ANTXR2: variants seen among roughly 807,000 people sequenced by gnomAD.
The protein encoded by ANTXR2 is anthrax toxin receptor 2.
A neutral mutation model predicts 73.7 loss-of-function variants in ANTXR2; 44 were observed. The ratio of observed to expected loss-of-function variants is 0.60; its 90% CI spans 0.47 to 0.77. ANTXR2 has a LOEUF of 0.77. Ranked by LOEUF, ANTXR2 falls within the 30% of genes least tolerant of loss-of-function variation. The pLI is 0.00. For missense variants in ANTXR2, 604 were observed against 592.5 expected (o/e 1.02, Z -0.20); for synonymous variants, 217 against 205.9 (o/e 1.05, Z -0.46).
At chr4:80,005,471 T>A (rs1012851255) in intron 12 of ANTXR2, among the ~76,000 whole-genome samples, 20 of 152,098 alleles carry the variant, frequency 1.3e-4, no homozygotes, top group Admixed American at 6.6e-5. Context: ...ATTTAAATGG[T>A]CACATCCTAA....
At chr4:79,928,385 G>C (rs1727910250) in intron 16 of ANTXR2, among the ~76,000 whole-genome samples, 2 of 152,146 alleles carry the variant, frequency 1.3e-5, no homozygotes, top group Admixed American at 6.5e-5. Flanking sequence ...TGTTTAATGG[G>C]TAGGGAGTTT....
intron 16 of ANTXR2, among the ~76,000 whole-genome samples, chr4:79,946,554 TC>T (rs1728521926): frequency 6.6e-6 from 1 of 151,998 alleles, no homozygotes; most frequent in Non-Finnish European, 1.5e-5. Flanking sequence ...GGGGCTGTAA[TC>T]TTGGGTGGAG....
chr4:80,047,897 C>T (rs1733595191), intron 7 of ANTXR2, among the ~76,000 whole-genome samples: 1 of 151,622 alleles, frequency 6.6e-6, no homozygotes, highest in South Asian at 2.1e-4. Context: ...TTTTTCTTTT[C>T]CTTAAACTAT....
At chr4:80,038,542 C>A (rs1412889760) in intron 7 of ANTXR2, among the ~76,000 whole-genome samples, 1 of 151,904 alleles carries the variant, frequency 6.6e-6, no homozygotes. Context: ...CTATTAAAGT[C>A]TGAGTTTAAA....
At chr4:79,951,425 C>T (rs1393145677) in intron 16 of ANTXR2, among the ~76,000 whole-genome samples, 4 of 151,808 alleles carry the variant, frequency 2.6e-5, no homozygotes, top group South Asian at 4.2e-4. Context: ...ACTAAAAATA[C>T]AAAAATTAGC....
rs71662888 is a variant in ANTXR2, at chr4:79,993,760, G to GCGCACACACACACA, written c.1042-8898_1042-8897insTGTGTGTGTGTGCG. 9.3e-3 allele frequency among the ~76,000 whole-genome samples: 1,305 copies of GCGCACACACACACA among 140,718 alleles called. 9 individuals carry two copies. Among genetic ancestry groups the GCGCACACACACACA allele is most frequent in the East Asian group, 0.018 (88 of 4,812 alleles). The allele number at this position is 140,718 out of a possible 152,430, so 92.3% of individuals were successfully genotyped here. A position where few individuals can be genotyped will look rare whatever the true frequency, so the allele number is the denominator to read the frequency against. On this transcript the variant is annotated intron_variant, in intron 12 of 16. Transcript: ENST00000403729. ...GGCAATACACCACACACACACACAC[G>GCGCACACACACACA]CACACACACACACACACACACACAT...
At chr4:80,057,606 G>A (rs1472891499) in intron 3 of ANTXR2, among the ~76,000 whole-genome samples, 74 of 151,884 alleles carry the variant, frequency 4.9e-4, no homozygotes, top group Non-Finnish European at 7.4e-5. Context: ...TTGGTTTAAA[G>A]TCTACCTATT....
At chr4:79,944,560 CAAAT>C (rs1728442446) in intron 16 of ANTXR2, among the ~76,000 whole-genome samples, 1 of 150,382 alleles carries the variant, frequency 6.6e-6, no homozygotes, top group East Asian at 2.0e-4. Context: ...ATTTGTGTGA[CAAAT>C]AAAAGGTATT....
chr4:79,927,311 C>CACACACACACACACAT (rs1302461907), intron 16 of ANTXR2, among the ~76,000 whole-genome samples: 1 of 151,696 alleles, frequency 6.6e-6, no homozygotes, highest in African/African-American at 2.4e-5. Flanking sequence ...CACACACACA[C>CACACACACACACACAT]GCACTCACCT....
At chr4:79,934,386 G>C (rs1353397013) in intron 16 of ANTXR2, among the ~76,000 whole-genome samples, 1 of 152,042 alleles carries the variant, frequency 6.6e-6, no homozygotes, top group Non-Finnish European at 1.5e-5. Flanking sequence ...AATTAGCCGG[G>C]CATGGTTGGA....
intron 16 of ANTXR2, among the ~76,000 whole-genome samples, chr4:79,927,799 A>G (rs1214483831): frequency 3.3e-5 from 5 of 152,210 alleles, no homozygotes; most frequent in Admixed American, 1.3e-4. Flanking sequence ...TGCCATTATC[A>G]TACTTCGCAC....
At chr4:79,916,721 A>G (rs935657400) in intron 16 of ANTXR2, among the ~76,000 whole-genome samples, 10 of 152,140 alleles carry the variant, frequency 6.6e-5, no homozygotes, top group African/African-American at 1.9e-4. Flanking sequence ...AATAATATAC[A>G]TCTGTTAGAA....
intron 3 of ANTXR2, among the ~76,000 whole-genome samples, chr4:80,060,398 T>C (rs966083454): frequency 6.6e-6 from 1 of 152,168 alleles, no homozygotes; most frequent in Non-Finnish European, 1.5e-5. Context: ...AAAACTTTCT[T>C]GTGTTATTGG....
chr4:79,923,214 T>A (rs1727656084), intron 16 of ANTXR2, among the ~76,000 whole-genome samples: 1 of 152,132 alleles, frequency 6.6e-6, no homozygotes, highest in African/African-American at 2.4e-5. Flanking sequence ...AAAGTTTCAG[T>A]GCAATAACAC....
intron 16 of ANTXR2, among the ~76,000 whole-genome samples, chr4:79,909,358 C>T (rs183335195): frequency 8.5e-5 from 13 of 152,206 alleles, no homozygotes; most frequent in Admixed American, 8.5e-4. Flanking sequence ...ACCATATTAA[C>T]TTTAGTGTGT....
chr4:79,935,207 A>G (rs553487746), intron 16 of ANTXR2, among the ~76,000 whole-genome samples: 7 of 151,916 alleles, frequency 4.6e-5, no homozygotes, highest in Non-Finnish European at 1.0e-4. Context: ...TAAAAATTAC[A>G]TGTCATCGCC....
chr4:79,988,229 T>TTATATATATA (rs70944756), intron 12 of ANTXR2, among the ~76,000 whole-genome samples: 4 of 68,148 alleles, frequency 5.9e-5, no homozygotes, highest in South Asian at 3.9e-4. Flanking sequence ...CACATAAATT[T>TTATATATATA]TATATATATA....
chr4:79,948,588 A>G (rs533705494), intron 16 of ANTXR2, among the ~76,000 whole-genome samples: 2 of 152,290 alleles, frequency 1.3e-5, no homozygotes, highest in South Asian at 4.1e-4. Context: ...TCAACCTTCA[A>G]TCTCTGAGAC....
chr4:79,955,269 A>G (rs1419755323), intron 16 of ANTXR2, among the ~76,000 whole-genome samples: 1 of 152,176 alleles, frequency 6.6e-6, no homozygotes, highest in East Asian at 1.9e-4. Context: ...TTTCATATGC[A>G]GTTATTTTCA....
Sources: gnomAD v4.1 joint callset for allele counts (sites outside exome capture counted in the v4.1 genomes callset) on GRCh38, gnomAD v4.1.1 for gene constraint, MANE v1.5 for transcripts, NCBI Gene and HGNC (gene_info 2026-07-23, HGNC 2026-07-21) for gene names.